Variants in NCAN observed in about 807,000 individuals in gnomAD.
NCAN encodes neurocan core protein.
NCAN carries 47 observed loss-of-function variants against 121.8 expected under a neutral mutation model. That is an observed-to-expected ratio of 0.39 (90% CI 0.31 to 0.49). The LOEUF (loss-of-function observed/expected upper bound fraction) is 0.49. Among genes scored for constraint, NCAN ranks in the 20% least tolerant of loss-of-function variants. NCAN has a pLI of 0.92. For synonymous variants in NCAN, 633 were observed against 702.0 expected, an observed-to-expected ratio of 0.90 and a Z score of 1.55; for missense variants, 1,517 against 1,773.4, an observed-to-expected ratio of 0.86 and a Z score of 2.60.
In NCAN at chr19:19,219,449, C is replaced by A. The variant is rs569322934; in HGVS notation, c.475+133C>A. 1.1e-4 allele frequency: 106 copies of A among 1,000,070 alleles called. No individual in the cohort carries two copies. The East Asian group carries it at 2.9e-3, about 27-fold the overall frequency. The allele number at this position is 1,000,070 out of a possible 1,614,324, so 61.9% of individuals were successfully genotyped here. A position where few individuals can be genotyped will look rare whatever the true frequency, so the allele number is the denominator to read the frequency against. Reference sequence around the variant, plus strand: ...GTGTCTCATGCCTGTAATCCCAGCACTTTGGCAGGCCAAGGCGGGTGGATT... The same window carrying A: ...GTGTCTCATGCCTGTAATCCCAGCAATTTGGCAGGCCAAGGCGGGTGGATT... On this transcript the variant is annotated intron_variant, in intron 3 of 14. Transcript: ENST00000252575.
At chr19:19,219,372 G>A (rs1294708863) in intron 3 of NCAN, 56 bp downstream of exon 3, 1 of 1,425,578 alleles carries the variant, frequency 7.0e-7, no homozygotes, top group Non-Finnish European at 9.2e-7. Flanking sequence ...GCTGAGCCTG[G>A]AGCCCACCCA....
At chr19:19,223,594 G>A (rs919916700) in intron 3 of NCAN, among the ~76,000 whole-genome samples, 104 of 151,734 alleles carry the variant, frequency 6.9e-4, no homozygotes, top group Middle Eastern at 3.2e-3. Flanking sequence ...TGCCTCAGCC[G>A]CCCTAGTAGC....
rs780191569 is a variant in NCAN at position 19,233,921 on chromosome 19, T to G, written c.3136+16T>G. 1 of 1,506,970 alleles carries G rather than the reference T, an allele frequency of 6.6e-7. No homozygotes were observed. The highest frequency in any genetic ancestry group is 1.1e-5 in the South Asian group (1 of 88,878). The allele number at this position is 1,506,970 out of a possible 1,614,324, so 93.3% of individuals were successfully genotyped here. A position where few individuals can be genotyped will look rare whatever the true frequency, so the allele number is the denominator to read the frequency against. On this transcript the variant is annotated intron_variant, in intron 9 of 14. Coordinates refer to ENST00000252575, the MANE Select transcript of NCAN (RefSeq NM_004386.3). Reference sequence around the variant, plus strand: ...TGTGAGATTGGTGAGTACCCCAGACTCAGGATCTGAATCTGAATTTGTTTG... The same window carrying G: ...TGTGAGATTGGTGAGTACCCCAGACGCAGGATCTGAATCTGAATTTGTTTG...
Position 19,226,762 on chromosome 19 carries a change from C to T in NCAN, c.1349C>T (p.Thr450Met), listed in dbSNP as rs1051841821. 6 of 1,613,190 alleles carry T rather than the reference C, an allele frequency of 3.7e-6. No individual in the cohort carries two copies. The highest frequency in any genetic ancestry group is 1.7e-5 in the Admixed American group (1 of 59,994). Residue 450 changes from threonine to methionine, a missense_variant, in exon 7 of 15, where the codon ACG becomes ATG. Physicochemically the swap from Thr to Met is moderately conservative, Grantham distance 81. Coordinates refer to ENST00000252575, the MANE Select transcript of NCAN (RefSeq NM_004386.3). ...SWPTGEVWLS[T>M]VAPSPSDMGA... ...CCCACTGGGGAAGTGTGGCTAAGCA[C>T]GGTGGCCCCCAGCCCTAGCGACATG... is the stretch of plus-strand genomic sequence containing the variant.
intron 8 of NCAN, 55 bp from the exon 9 acceptor site, chr19:19,233,734 G>A: frequency 8.6e-7 from 1 of 1,168,730 alleles, no homozygotes; most frequent in Non-Finnish European, 1.3e-6. Context: ...TTGATTCCAG[G>A]AAGGCAAAAG....
Position 19,227,883 on chromosome 19 carries a change from G to A in NCAN, c.2263G>A (p.Gly755Arg). 1 of 1,613,672 alleles carries A rather than the reference G, an allele frequency of 6.2e-7. No individual in the cohort carries two copies. Among genetic ancestry groups the A allele is most frequent in the Non-Finnish European group, 8.5e-7 (1 of 1,180,004 alleles). Reference sequence around the variant, plus strand: ...GCCAACGGGCCTCAGGGGTATCCCGGGGTCTGAGTCTGGGGTCTTCGACAC... The same window carrying A: ...GCCAACGGGCCTCAGGGGTATCCCGAGGTCTGAGTCTGGGGTCTTCGACAC... ...TEPTGLRGIP[G>R]SESGVFDTAE... Residue 755 changes from glycine (G) to arginine (R), a missense_variant, in exon 8 of 15, where the codon GGG becomes AGG. By Grantham distance (125) the Gly-to-Arg change is moderately radical. Transcript: ENST00000252575. This position sits in a 1 kb window ranked among gnomAD's most constrained non-coding sequence, Gnocchi z 4.2.
intron 8 of NCAN, among the ~76,000 whole-genome samples, chr19:19,233,311 T>A (rs545204396): frequency 6.8e-6 from 1 of 146,496 alleles, no homozygotes; most frequent in South Asian, 2.2e-4. Context: ...CCTGACAGGA[T>A]CTGGGTTGGC....
intron 3 of NCAN, among the ~76,000 whole-genome samples, chr19:19,222,727 A>G (rs2060821186): frequency 6.6e-6 from 1 of 152,188 alleles, no homozygotes; most frequent in South Asian, 2.1e-4. Flanking sequence ...TTTGAATCAC[A>G]GTGAGCCTGT....
chr19:19,248,761 G>C lies in NCAN; in HGVS notation c.3699G>C (p.Lys1233Asn), dbSNP rs762630271. 1 of 1,614,190 alleles carries C rather than the reference G, an allele frequency of 6.2e-7. No homozygotes were observed. The highest frequency in any genetic ancestry group is 8.5e-7 in the Non-Finnish European group (1 of 1,180,028). Residue 1233 changes from lysine (K) to asparagine (N), a missense_variant, in exon 14 of 15, where the codon AAG becomes AAC. Coordinates refer to ENST00000252575, the MANE Select transcript of NCAN (RefSeq NM_004386.3). ...NASLIGARKAKYNVHATVRYQ... is the reference protein window; with the variant it reads ...NASLIGARKANYNVHATVRYQ... Reference sequence around the variant, plus strand: ...CACTCATCGGTGCCCGCAAGGCCAAGTACAATGTCCATGCCACTGTAAGGT... The same window carrying C: ...CACTCATCGGTGCCCGCAAGGCCAACTACAATGTCCATGCCACTGTAAGGT...
chr19:19,242,550 G>A (rs969455908), intron 12 of NCAN, among the ~76,000 whole-genome samples: 1 of 151,942 alleles, frequency 6.6e-6, no homozygotes, highest in Admixed American at 6.6e-5. Context: ...ATAGCTGGGT[G>A]TGATGGCACA....
rs2060846537 is a variant in NCAN, at chr19:19,228,495, C to T, written c.2875C>T (p.Leu959=). Residue 959 remains leucine, a synonymous_variant, in exon 8 of 15, where the codon CTG becomes TTG. Coordinates refer to ENST00000252575, the MANE Select transcript of NCAN (RefSeq NM_004386.3). ...PTVPWDPSST[L]LPVTLGIEDF... ...GGTACCGTGGGACCCCTCCAGCACCCTGCTGCCTGTCACCCTGGGCATAGA... is the reference window on the plus strand; with the variant it reads ...GGTACCGTGGGACCCCTCCAGCACCTTGCTGCCTGTCACCCTGGGCATAGA... The T allele has an allele frequency of 6.2e-7, 1 of 1,613,552 alleles. No individual in the cohort carries two copies. The highest frequency in any genetic ancestry group is 8.5e-7 in the Non-Finnish European group (1 of 1,180,034).
At chr19:19,243,406 C>A (rs2060910936) in intron 12 of NCAN, among the ~76,000 whole-genome samples, 1 of 150,860 alleles carries the variant, frequency 6.6e-6, no homozygotes, top group East Asian at 2.0e-4. Flanking sequence ...ATCCCAGCTA[C>A]TCAGGAGGTT....
At position 19,246,100 on chromosome 19, in the gene NCAN, T is replaced by G. The variant is rs929052335; in HGVS notation, c.3637+643T>G. 1.8e-4 allele frequency among the ~76,000 whole-genome samples: 27 copies of G among 152,264 alleles called. 1 individual carries two copies. The highest frequency in any genetic ancestry group is 4.4e-5 in the Non-Finnish European group (3 of 68,016). On this transcript the variant is annotated intron_variant, in intron 13 of 14. Transcript: ENST00000252575. Reference sequence around the variant, plus strand: ...TTGTCCAGGCTGGAGTGCAAAGGCATGCTCTTGGCTCACTTCAACCTCTGC... The same window carrying G: ...TTGTCCAGGCTGGAGTGCAAAGGCAGGCTCTTGGCTCACTTCAACCTCTGC...
chr19:19,228,163 C>T lies in NCAN; in HGVS notation c.2543C>T (p.Ser848Phe). The T allele has an allele frequency of 6.2e-7, 1 of 1,613,810 alleles. No homozygotes were observed. The highest frequency in any genetic ancestry group is 8.5e-7 in the Non-Finnish European group (1 of 1,180,032). Residue 848 changes from serine (S) to phenylalanine (F), a missense_variant, in exon 8 of 15, where the codon TCC becomes TTC. Transcript: ENST00000252575. ...SDASGIWEPG[S>F]QVFEEAESTT... is the part of the protein sequence containing the mutation. ...GCTAGTGGAATTTGGGAACCTGGAT[C>T]CCAGGTGTTTGAAGAAGCCGAAAGC...
intron 8 of NCAN, among the ~76,000 whole-genome samples, chr19:19,232,145 C>T (rs1479578239): frequency 5.9e-5 from 9 of 152,146 alleles, no homozygotes; most frequent in South Asian, 2.1e-4. Flanking sequence ...ACTAAGGAAA[C>T]GGGGGTTGGA....
intron 1 of NCAN, among the ~76,000 whole-genome samples, chr19:19,215,716 G>A (rs975445641): frequency 8.5e-5 from 13 of 152,180 alleles, no homozygotes; most frequent in African/African-American, 3.1e-4. Flanking sequence ...AATTGAAGCT[G>A]CGAATCGTGT....
chr19:19,248,715 C>T lies in NCAN; in HGVS notation c.3653C>T (p.Pro1218Leu). 3.1e-6 allele frequency: 5 copies of T among 1,614,150 alleles called. No individual in the cohort carries two copies. Among genetic ancestry groups the T allele is most frequent in the Non-Finnish European group, 4.2e-6 (5 of 1,180,010 alleles). ...TCTGTCCCAGTGCTCTGTGGTCCCC[C>T]TCCGGCAGTGGAGAATGCCTCACTC... ...CKKGTVLCGP[P>L]PAVENASLIG... is the part of the protein sequence containing the mutation. The change falls in exon 14 of 15, where the codon CCT (proline) becomes CTT (leucine). Residue 1218 changes from proline to leucine, a missense_variant. By Grantham distance (98) the Pro-to-Leu change is moderately conservative. Transcript: ENST00000252575.
intron 2 of NCAN, among the ~76,000 whole-genome samples, chr19:19,218,687 G>A (rs2060804621): frequency 1.3e-5 from 2 of 152,072 alleles, no homozygotes; most frequent in East Asian, 3.9e-4. Flanking sequence ...GGTCAGGCTG[G>A]TTTCAAATTC....
At chr19:19,236,681 C>T (rs1471862900) in intron 10 of NCAN, among the ~76,000 whole-genome samples, 2 of 150,642 alleles carry the variant, frequency 1.3e-5, no homozygotes, top group Non-Finnish European at 2.9e-5. Flanking sequence ...CCTCCTGCCT[C>T]AGCCTCCCAA....
Sources: allele counts gnomAD v4.1 joint callset (sites outside exome capture counted in the v4.1 genomes callset), GRCh38; gene constraint gnomAD v4.1.1; non-coding constraint Gnocchi (gnomAD v3.1); transcripts MANE v1.5; gene names NCBI Gene and HGNC (gene_info 2026-07-23, HGNC 2026-07-21).